The following PARM1 variants were observed in gnomAD, a reference collection of about 807,000 sequenced individuals.
PARM1 encodes the protein WSC4, cell wall integrity and stress response component 4 homolog.
In PARM1, 14 loss-of-function variants were observed where a neutral mutation model predicts 24.6. The observed-to-expected ratio is 0.57, with a 90% confidence interval of 0.38 to 0.89. The LOEUF (loss-of-function observed/expected upper bound fraction) is 0.89, where lower values mean the gene tolerates loss of function less well. Ranked by LOEUF, PARM1 falls within the 40% of genes least tolerant of loss-of-function variation. The probability of loss-of-function intolerance (pLI) is 0.00; values close to 1 mark genes in which losing one functional copy is unlikely to be tolerated. For missense variants in PARM1, 362 were observed against 380.4 expected, an observed-to-expected ratio of 0.95 and a Z score of 0.40; for synonymous variants, 179 against 156.6, an observed-to-expected ratio of 1.14 and a Z score of -1.07.
chr4:74,951,351 T>G (rs1472462238), intron 1 of PARM1, among the ~76,000 whole-genome samples: 1 of 152,212 alleles, frequency 6.6e-6, no homozygotes, highest in Non-Finnish European at 1.5e-5. Context: ...GAAAATAGCC[T>G]CCTGCACTTT....
At chr4:74,947,799 G>T (rs1456294865) in intron 1 of PARM1, among the ~76,000 whole-genome samples, 1 of 152,200 alleles carries the variant, frequency 6.6e-6, no homozygotes. Context: ...CTTTGCAGAT[G>T]ATTATGTTTT....
intron 1 of PARM1, among the ~76,000 whole-genome samples, chr4:74,963,826 T>C (rs1349997637): frequency 6.6e-6 from 1 of 152,198 alleles, no homozygotes. Context: ...GTTTACATAT[T>C]ATAAAATTTA....
chr4:74,948,935 T>A (rs58334629), intron 1 of PARM1, among the ~76,000 whole-genome samples: 6,239 of 151,990 alleles, frequency 0.041, 411 homozygotes, highest in African/African-American at 0.14. Flanking sequence ...GGCAGAAGAA[T>A]CGCTTGAACC....
At chr4:74,957,018 C>A (rs1021612327) in intron 1 of PARM1, 1 of 152,216 alleles carries the variant, frequency 6.6e-6, no homozygotes, top group African/African-American at 2.4e-5. Flanking sequence ...ACAGATGTGC[C>A]AAGAACTTGG....
intron 1 of PARM1, among the ~76,000 whole-genome samples, chr4:74,942,262 G>A (rs1397955597): frequency 6.6e-6 from 1 of 152,222 alleles, no homozygotes; most frequent in Non-Finnish European, 1.5e-5. Context: ...GAAACATAGT[G>A]TGTGCTTTAT....
chr4:74,959,210 G>T (rs1197610469), intron 1 of PARM1, among the ~76,000 whole-genome samples: 1 of 152,124 alleles, frequency 6.6e-6, no homozygotes, highest in Non-Finnish European at 1.5e-5. Context: ...ATCATAAAAT[G>T]TTTTATCTGT....
chr4:74,947,430 G>A (rs751432526), intron 1 of PARM1, among the ~76,000 whole-genome samples: 6 of 152,152 alleles, frequency 3.9e-5, no homozygotes, highest in Non-Finnish European at 8.8e-5. Flanking sequence ...AGAGACTTAA[G>A]AGACATAGCA....
chr4:75,010,022 A>G (rs1430416393), intron 1 of PARM1, among the ~76,000 whole-genome samples: 1 of 152,248 alleles, frequency 6.6e-6, no homozygotes, highest in Non-Finnish European at 1.5e-5. Context: ...AAAAGAACTG[A>G]CAGCAAGGAC....
intron 3 of PARM1, chr4:75,034,773 C>A (rs1005169319): frequency 6.6e-6 from 1 of 152,284 alleles, no homozygotes; most frequent in Admixed American, 6.5e-5. Context: ...AGCACACTCA[C>A]CCTTGACCTC....
intron 1 of PARM1, among the ~76,000 whole-genome samples, chr4:74,944,660 C>A (rs146104123): frequency 6.6e-6 from 1 of 152,250 alleles, no homozygotes; most frequent in African/African-American, 2.4e-5. Flanking sequence ...CTTTCAATGC[C>A]TCCCATCTCA....
intron 2 of PARM1, among the ~76,000 whole-genome samples, chr4:75,030,282 C>T (rs1215341393): frequency 6.6e-6 from 1 of 152,134 alleles, no homozygotes; most frequent in Admixed American, 6.5e-5. Flanking sequence ...AATCATTTAC[C>T]ACATGTAAAA....
intron 2 of PARM1, among the ~76,000 whole-genome samples, chr4:75,021,976 A>T (rs1453941093): frequency 1.3e-5 from 2 of 152,234 alleles, no homozygotes; most frequent in African/African-American, 4.8e-5. Context: ...TATATACTCA[A>T]TAATGAGATT....
chr4:75,015,760 GGCCCAGTGGCAGCATTGGGCCCTGT>G (rs1399019530), intron 2 of PARM1, among the ~76,000 whole-genome samples: 1 of 152,200 alleles, frequency 6.6e-6, no homozygotes, highest in African/African-American at 2.4e-5. Context: ...AAGATCACAT[GGCCCAGTGGCAGCATTGGGCCCTGT>G]GCCCAGGGCC....
intron 3 of PARM1, among the ~76,000 whole-genome samples, chr4:75,044,015 G>A (rs1254914028): frequency 6.8e-6 from 1 of 146,698 alleles, no homozygotes; most frequent in Non-Finnish European, 1.5e-5. Flanking sequence ...CTAAGAGTTT[G>A]AAACGAGCAC....
chr4:75,000,660 C>G (rs898664264), intron 1 of PARM1, among the ~76,000 whole-genome samples: 1 of 152,184 alleles, frequency 6.6e-6, no homozygotes, highest in African/African-American at 2.4e-5. Context: ...TCTCATTTCA[C>G]AGAACTGCGG....
intron 2 of PARM1, among the ~76,000 whole-genome samples, chr4:75,031,409 A>G (rs1723275181): frequency 6.6e-6 from 1 of 152,142 alleles, no homozygotes; most frequent in Admixed American, 6.5e-5. Flanking sequence ...CATATAGGCT[A>G]TCTTCTGTGG....
At chr4:74,979,179 C>T (rs1188382080) in intron 1 of PARM1, among the ~76,000 whole-genome samples, 3 of 151,368 alleles carry the variant, frequency 2.0e-5, no homozygotes, top group Admixed American at 2.0e-4. Flanking sequence ...TCAATGAATC[C>T]AGGAGCTGTT....
chr4:75,033,914 T>C lies in PARM1; in HGVS notation c.801T>C (p.Ile267=). 2 of 1,604,902 alleles carry C rather than the reference T, an allele frequency of 1.2e-6. No homozygotes were observed. Among genetic ancestry groups the C allele is most frequent in the Non-Finnish European group, 1.7e-6 (2 of 1,175,680 alleles). Residue 267 remains isoleucine, a synonymous_variant, in exon 3 of 4, where the codon ATT becomes ATC. Coordinates refer to ENST00000307428, the MANE Select transcript of PARM1 (RefSeq NM_015393.4). The part of the protein sequence containing the change: ...GSIAAITVTV[I]AVVLLVFGVA... Reference sequence around the variant, plus strand: ...TCGCCGCCATTACCGTGACAGTCATTGCCGTGGTGCTGCTGGTGTTTGGAG... The same window carrying C: ...TCGCCGCCATTACCGTGACAGTCATCGCCGTGGTGCTGCTGGTGTTTGGAG...
intron 3 of PARM1, among the ~76,000 whole-genome samples, chr4:75,036,258 C>A (rs1723370200): frequency 1.3e-5 from 2 of 152,182 alleles, no homozygotes; most frequent in South Asian, 4.1e-4. Context: ...TGGAAGGACT[C>A]TTCCTCTTCA....
Sources: gnomAD v4.1 joint callset for allele counts (sites outside exome capture counted in the v4.1 genomes callset) on GRCh38, gnomAD v4.1.1 for gene constraint, MANE v1.5 for transcripts, NCBI Gene and HGNC (gene_info 2026-07-23, HGNC 2026-07-21) for gene names.